The following PDE7A variants were observed in gnomAD, a reference collection of about 807,000 sequenced individuals.
The protein encoded by PDE7A is high affinity 3',5'-cyclic-AMP phosphodiesterase 7A.
Under a neutral mutation model 64.3 loss-of-function variants are expected in PDE7A, and 39 were observed. The observed-to-expected ratio is 0.61, with a 90% CI of 0.47 to 0.79. PDE7A has a LOEUF of 0.79. Among genes scored for constraint, PDE7A ranks in the 30% least tolerant of loss-of-function variants. The pLI is 0.00. For synonymous variants in PDE7A, 203 were observed against 206.8 expected, an observed-to-expected ratio of 0.98 and a Z score of 0.16; for missense variants, 470 against 582.8, an observed-to-expected ratio of 0.81 and a Z score of 1.99.
At chr8:65,721,129 G>T (rs1806360399) in intron 12 of PDE7A, among the ~76,000 whole-genome samples, 1 of 151,806 alleles carries the variant, frequency 6.6e-6, no homozygotes, top group South Asian at 2.1e-4. Context: ...TGGAGGGCAG[G>T]ACTCTGTTAA....
intron 3 of PDE7A, among the ~76,000 whole-genome samples, chr8:65,760,455 A>G (rs921272170): frequency 2.6e-5 from 4 of 152,338 alleles, no homozygotes; most frequent in Admixed American, 6.5e-5. Context: ...TTCCCTTAGA[A>G]TAAGTATTCA....
chr8:65,741,272 A>T (rs1181592146), intron 5 of PDE7A, among the ~76,000 whole-genome samples: 1 of 152,230 alleles, frequency 6.6e-6, no homozygotes, highest in Admixed American at 6.5e-5. Flanking sequence ...ACATTCAGAT[A>T]ATGCAATAAA....
At chr8:65,818,327 C>T (rs1347308515) in intron 1 of PDE7A, among the ~76,000 whole-genome samples, 1 of 152,050 alleles carries the variant, frequency 6.6e-6, no homozygotes, top group Non-Finnish European at 1.5e-5. Flanking sequence ...ATTCTGTTTT[C>T]CCCATTAAAG....
intron 7 of PDE7A, among the ~76,000 whole-genome samples, chr8:65,730,574 T>C (rs967938983): frequency 1.3e-5 from 2 of 152,120 alleles, no homozygotes; most frequent in African/African-American, 4.8e-5. Flanking sequence ...AAATATTGTC[T>C]TCCGTGAAAC....
chr8:65,751,419 G>C (rs1807948655), intron 3 of PDE7A, among the ~76,000 whole-genome samples: 1 of 151,652 alleles, frequency 6.6e-6, no homozygotes, highest in Admixed American at 6.6e-5. Context: ...CCACTCTCAA[G>C]CCCTACCCCA....
intron 3 of PDE7A, among the ~76,000 whole-genome samples, chr8:65,773,824 GC>G (rs202145445): frequency 0.023 from 3,461 of 152,038 alleles, 65 homozygotes; most frequent in Middle Eastern, 0.095. Context: ...GTCCCATTAT[GC>G]CCCCTATTTA....
rs997278344 is a variant in PDE7A at position 65,784,728 on chromosome 8, C to CA, written c.139-1886dup. On this transcript the variant is annotated intron_variant, in intron 1 of 12. Coordinates refer to ENST00000401827, the MANE Select transcript of PDE7A (RefSeq NM_001242318.3). ...TAATTTTCCTCTACTATCCTCCCACCAAAAAAAAAAATTTTAACTGTCTTA... is the reference window on the plus strand; with the variant it reads ...TAATTTTCCTCTACTATCCTCCCACCAAAAAAAAAAAATTTTAACTGTCTTA... Among the ~76,000 whole-genome samples, 185 of 143,494 alleles carry CA rather than the reference C, an allele frequency of 1.3e-3. 1 individual carries two copies. Among genetic ancestry groups the CA allele is most frequent in the South Asian group, 4.0e-3 (18 of 4,546 alleles). 94.1% of individuals were successfully genotyped at this position (143,494 alleles called of 152,430 possible). A position where few individuals can be genotyped will look rare whatever the true frequency, so the allele number is the denominator to read the frequency against.
intron 3 of PDE7A, among the ~76,000 whole-genome samples, chr8:65,751,913 TCTCC>T (rs1238936334): frequency 6.6e-6 from 1 of 152,230 alleles, no homozygotes; most frequent in Admixed American, 6.5e-5. Context: ...TGTGGATCAC[TCTCC>T]CTGTCAGTGC....
chr8:65,802,024 CTTG>C (rs1810000272), intron 1 of PDE7A, among the ~76,000 whole-genome samples: 1 of 152,126 alleles, frequency 6.6e-6, no homozygotes, highest in Non-Finnish European at 1.5e-5. Flanking sequence ...CATGGTACTT[CTTG>C]TTCGAAAGAA....
At chr8:65,750,078 T>C (rs1254598740) in intron 3 of PDE7A, among the ~76,000 whole-genome samples, 2 of 152,196 alleles carry the variant, frequency 1.3e-5, no homozygotes, top group Non-Finnish European at 2.9e-5. Flanking sequence ...AGCACCACCA[T>C]CTCTGTATTT....
chr8:65,724,465 T>C lies in PDE7A; in HGVS notation c.1066-114A>G, dbSNP rs1585825974. On this transcript the variant is annotated intron_variant, in intron 10 of 12. Coordinates refer to ENST00000401827, the MANE Select transcript of PDE7A (RefSeq NM_001242318.3). Reference sequence around the variant, plus strand: ...TAAATATAAATAAATAAGCCAGAAATATAATTCTCCTATTTTTAGATGTAA... The same window carrying C: ...TAAATATAAATAAATAAGCCAGAAACATAATTCTCCTATTTTTAGATGTAA... 6.2e-6 allele frequency: 4 copies of C among 641,702 alleles called. No individual in the cohort carries two copies. In the East Asian group the frequency reaches 8.4e-5, roughly 13 times the overall value. The allele number at this position is 641,702 out of a possible 1,614,324, so 39.8% of individuals were successfully genotyped here.
intron 3 of PDE7A, among the ~76,000 whole-genome samples, chr8:65,762,991 A>G (rs906906599): frequency 7.2e-6 from 1 of 138,514 alleles, no homozygotes; most frequent in Non-Finnish European, 1.6e-5. Flanking sequence ...TATAAAAACA[A>G]TGTGTGTGTG....
At chr8:65,747,878 AGTTAT>A (rs1563485534) in intron 3 of PDE7A, 75 bp from the exon 4 acceptor site, 2 of 800,234 alleles carry the variant, frequency 2.5e-6, no homozygotes, top group East Asian at 5.6e-5. Context: ...TACCACTTTT[AGTTAT>A]GTACAAGTAT....
At chr8:65,756,772 C>T (rs531930274) in intron 3 of PDE7A, among the ~76,000 whole-genome samples, 2 of 151,110 alleles carry the variant, frequency 1.3e-5, no homozygotes, top group South Asian at 2.1e-4. Context: ...ATATCAAATT[C>T]TTTTTTTTTC....
At chr8:65,815,578 T>G (rs1481596362) in intron 1 of PDE7A, among the ~76,000 whole-genome samples, 6 of 152,214 alleles carry the variant, frequency 3.9e-5, no homozygotes, top group African/African-American at 1.4e-4. Context: ...GATGTGTTCA[T>G]TTTATACTAA....
At chr8:65,775,998 T>C (rs1355762634) in intron 3 of PDE7A, among the ~76,000 whole-genome samples, 2 of 152,144 alleles carry the variant, frequency 1.3e-5, no homozygotes, top group African/African-American at 4.8e-5. Flanking sequence ...TTCCCATCTT[T>C]CTGTTCTCTC....
At chr8:65,727,433 G>T in intron 7 of PDE7A, 132 bp from the exon 8 acceptor site, 1 of 1,323,352 alleles carries the variant, frequency 7.6e-7, no homozygotes, top group Non-Finnish European at 1.0e-6. Flanking sequence ...TCCTCAGGTG[G>T]TTGTTCATTA....
chr8:65,746,727 A>G (rs988859230), intron 4 of PDE7A, among the ~76,000 whole-genome samples: 6 of 152,218 alleles, frequency 3.9e-5, no homozygotes, highest in Non-Finnish European at 7.3e-5. Flanking sequence ...AACAAATGAC[A>G]TAGAGATCAA....
intron 3 of PDE7A, among the ~76,000 whole-genome samples, chr8:65,766,937 T>C (rs1234768265): frequency 1.3e-5 from 2 of 152,172 alleles, no homozygotes; most frequent in African/African-American, 4.8e-5. Flanking sequence ...CAATGGGTCT[T>C]GGAAAAGTAT....
Sources: allele counts gnomAD v4.1 joint callset (sites outside exome capture counted in the v4.1 genomes callset), GRCh38; gene constraint gnomAD v4.1.1; transcripts MANE v1.5; gene names NCBI Gene and HGNC (gene_info 2026-07-23, HGNC 2026-07-21).